The following CDH12 variants were observed in gnomAD, a reference collection of about 807,000 sequenced individuals.
The protein encoded by CDH12 is cadherin 12.
In CDH12, 41 loss-of-function variants were observed where a neutral mutation model predicts 74.1. That is an observed-to-expected ratio of 0.55 (90% CI 0.43 to 0.72). CDH12 has a LOEUF of 0.72. CDH12 is among the 30% of genes least tolerant of loss of function. The pLI, the probability that CDH12 is intolerant of heterozygous loss-of-function variation, is 0.00. For missense variants in CDH12, 945 were observed against 977.2 expected (o/e 0.97, Z 0.44); for synonymous variants, 399 against 355.0 (o/e 1.12, Z -1.39).
intron 9 of CDH12, among the ~76,000 whole-genome samples, chr5:21,804,653 C>T (rs201838387): frequency 0.05 from 5,185 of 103,548 alleles, 190 homozygotes; most frequent in Non-Finnish European, 0.071. Flanking sequence ...AACACACACA[C>T]ACACACACAC....
intron 1 of CDH12, among the ~76,000 whole-genome samples, chr5:22,809,399 G>A (rs905648856): frequency 1.4e-4 from 21 of 151,190 alleles, no homozygotes; most frequent in African/African-American, 4.8e-4. Flanking sequence ...ATAAAATATA[G>A]GGATCTTATA....
At chr5:22,226,412 G>A (rs1037604565) in intron 3 of CDH12, among the ~76,000 whole-genome samples, 1 of 151,898 alleles carries the variant, frequency 6.6e-6, no homozygotes, top group South Asian at 2.1e-4. Flanking sequence ...AACAAGAGGG[G>A]ATGCCACTGG....
chr5:22,350,404 G>C (rs1740310849), intron 3 of CDH12, among the ~76,000 whole-genome samples: 1 of 152,106 alleles, frequency 6.6e-6, no homozygotes, highest in African/African-American at 2.4e-5. Flanking sequence ...AGTCAGAATA[G>C]GATTGTCAAA....
At chr5:21,819,695 T>G (rs1268202301) in intron 8 of CDH12, among the ~76,000 whole-genome samples, 3 of 151,996 alleles carry the variant, frequency 2.0e-5, no homozygotes, top group Non-Finnish European at 4.4e-5. Flanking sequence ...GGGTAAACAT[T>G]ATCAAGGAAA....
At chr5:22,124,287 C>A (rs1745710230) in intron 4 of CDH12, among the ~76,000 whole-genome samples, 1 of 152,216 alleles carries the variant, frequency 6.6e-6, no homozygotes, top group South Asian at 2.1e-4. Context: ...CCACGCCCAG[C>A]CAATTTTTTG....
chr5:22,620,528 A>G (rs1737917750), intron 1 of CDH12, among the ~76,000 whole-genome samples: 1 of 150,668 alleles, frequency 6.6e-6, no homozygotes, highest in South Asian at 2.1e-4. Context: ...GAGCAAAAAT[A>G]CCATTAAAAA....
intron 5 of CDH12, among the ~76,000 whole-genome samples, chr5:22,029,606 G>T (rs1050083980): frequency 6.6e-6 from 1 of 152,072 alleles, no homozygotes; most frequent in African/African-American, 2.4e-5. Context: ...TAAAAAGTCA[G>T]GAAACAACAG....
chr5:22,206,359 C>G (rs1751217354), intron 4 of CDH12, among the ~76,000 whole-genome samples: 1 of 152,166 alleles, frequency 6.6e-6, no homozygotes, highest in South Asian at 2.1e-4. Context: ...GCAGCAGTGT[C>G]CAACTGGGGC....
chr5:22,558,750 A>G (rs1040532615), intron 1 of CDH12, among the ~76,000 whole-genome samples: 2 of 152,094 alleles, frequency 1.3e-5, no homozygotes, highest in African/African-American at 2.4e-5. Flanking sequence ...AGAACATGCA[A>G]TTAAGGTGTC....
At position 22,529,062 on chromosome 5, in the gene CDH12, T is replaced by C. The variant is rs142065055; in HGVS notation, c.-522-23698A>G. Among the ~76,000 whole-genome samples, 1,098 of 149,568 alleles carry C rather than the reference T, an allele frequency of 7.3e-3. 14 individuals carry two copies. The highest frequency in any genetic ancestry group is 0.026 in the African/African-American group (1,018 of 39,700). ...ATATATATGCATATACATGTGTATA[T>C]ATGTATATATGCATATATATGCATG... On this transcript the variant is annotated intron_variant, in intron 1 of 14. Coordinates refer to ENST00000382254, the MANE Select transcript of CDH12 (RefSeq NM_004061.5).
intron 1 of CDH12, among the ~76,000 whole-genome samples, chr5:22,772,475 A>C (rs1486495922): frequency 6.6e-6 from 1 of 152,086 alleles, no homozygotes; most frequent in Non-Finnish European, 1.5e-5. Flanking sequence ...AAGGGAAGCA[A>C]TGTGTAGAAA....
intron 5 of CDH12, among the ~76,000 whole-genome samples, chr5:22,005,368 C>G (rs1580100211): frequency 1.3e-5 from 2 of 152,238 alleles, no homozygotes; most frequent in African/African-American, 4.8e-5. Flanking sequence ...TTTTCTTTAT[C>G]CAGTCATCCA....
chr5:21,880,415 G>C (rs1331870118), intron 6 of CDH12, among the ~76,000 whole-genome samples: 2 of 151,804 alleles, frequency 1.3e-5, no homozygotes, highest in Non-Finnish European at 2.9e-5. Context: ...CCAGCACTGG[G>C]GTGCTCTATA....
At chr5:22,541,697 T>C (rs1039904975) in intron 1 of CDH12, among the ~76,000 whole-genome samples, 2 of 152,192 alleles carry the variant, frequency 1.3e-5, no homozygotes, top group African/African-American at 4.8e-5. Flanking sequence ...TCCACAAGTA[T>C]ACCTTTCAAA....
chr5:22,438,807 T>C (rs755409209), intron 2 of CDH12, among the ~76,000 whole-genome samples: 1 of 151,854 alleles, frequency 6.6e-6, no homozygotes, highest in East Asian at 1.9e-4. Flanking sequence ...ATACCTACTT[T>C]GGTTTCTTTT....
chr5:22,646,795 T>C (rs1379521360), intron 1 of CDH12, among the ~76,000 whole-genome samples: 4 of 151,886 alleles, frequency 2.6e-5, no homozygotes, highest in African/African-American at 4.8e-5. Flanking sequence ...AGAAACACCA[T>C]TTATTTGCCA....
At chr5:22,066,789 C>T (rs1741592800) in intron 5 of CDH12, among the ~76,000 whole-genome samples, 1 of 152,112 alleles carries the variant, frequency 6.6e-6, no homozygotes, top group South Asian at 2.1e-4. Context: ...GGTGTTGATT[C>T]CCAACTCATC....
chr5:22,821,408 T>C (rs1295323851), intron 1 of CDH12, among the ~76,000 whole-genome samples: 1 of 151,968 alleles, frequency 6.6e-6, no homozygotes. Context: ...GAGGAAGAAA[T>C]AAAGGGTATT....
intron 4 of CDH12, among the ~76,000 whole-genome samples, chr5:22,103,585 C>T (rs1744269317): frequency 6.6e-6 from 1 of 152,160 alleles, no homozygotes; most frequent in African/African-American, 2.4e-5. Flanking sequence ...TCTTATGCAG[C>T]TAATCGTTTA....
Sources: allele counts gnomAD v4.1 joint callset (sites outside exome capture counted in the v4.1 genomes callset), GRCh38; gene constraint gnomAD v4.1.1; transcripts MANE v1.5; gene names NCBI Gene and HGNC (gene_info 2026-07-23, HGNC 2026-07-21).